Variants in COMMD10 observed in about 807,000 individuals in gnomAD.
COMMD10 encodes COMM domain containing 10.
COMMD10 carries 33 observed loss-of-function variants against 28.9 expected under a neutral mutation model. The observed-to-expected ratio is 1.14, with a 90% CI of 0.87 to 1.53. The LOEUF is 1.53. Among genes scored for constraint, COMMD10 ranks in the 40% most tolerant of loss-of-function variants. The pLI is 0.00. For synonymous variants in COMMD10, 110 were observed against 81.7 expected (o/e 1.35, Z -1.87); for missense variants, 310 against 233.4 (o/e 1.33, Z -2.14).
In COMMD10 at chr5:116,216,130, G is replaced by C. The variant is rs899227586; in HGVS notation, c.511-75387G>C. ...ACAGATTAGAGGTTTAATCCTAAAA[G>C]AACCCCAGTATCCAATATTTTTGCC... On this transcript the variant is annotated intron_variant, in intron 5 of 6. Transcript: ENST00000274458. Among the ~76,000 whole-genome samples, 72 of 152,220 alleles carry C rather than the reference G, an allele frequency of 4.7e-4. 1 individual carries two copies. The highest frequency in any genetic ancestry group is 1.6e-3 in the African/African-American group (68 of 41,530).
At chr5:116,087,140 A>C (rs935724525) in intron 1 of COMMD10, among the ~76,000 whole-genome samples, 2 of 152,170 alleles carry the variant, frequency 1.3e-5, no homozygotes, top group African/African-American at 4.8e-5. Context: ...CATAATTGCT[A>C]TTCCTCTCCT....
At position 116,142,161 on chromosome 5, in the gene COMMD10, G is replaced by T. The variant is rs866370501; in HGVS notation, c.510+7983G>T. On this transcript the variant is annotated intron_variant, in intron 5 of 6. Transcript: ENST00000274458. The stretch of plus-strand genomic sequence containing the variant: ...TTTCTCCAGTCTGATTATAGGACTT[G>T]TTTAATTTTATATTCTACCTTTTTT... 4.6e-5 allele frequency among the ~76,000 whole-genome samples: 7 copies of T among 151,816 alleles called. No individual in the cohort carries two copies. In the East Asian group the frequency reaches 1.4e-3, roughly 29 times the overall value.
At chr5:116,138,525 T>C (rs1025065113) in intron 5 of COMMD10, among the ~76,000 whole-genome samples, 2 of 151,780 alleles carry the variant, frequency 1.3e-5, no homozygotes, top group Non-Finnish European at 3.0e-5. Flanking sequence ...TACATTTTTT[T>C]CCCCAGTAAA....
At chr5:116,291,238 A>C (rs1751351546) in intron 5 of COMMD10, among the ~76,000 whole-genome samples, 1 of 152,176 alleles carries the variant, frequency 6.6e-6, no homozygotes, top group South Asian at 2.1e-4. Flanking sequence ...GTCTTGAAAA[A>C]ATTAGATAAT....
At chr5:116,150,048 G>A (rs1478562862) in intron 5 of COMMD10, among the ~76,000 whole-genome samples, 5 of 152,086 alleles carry the variant, frequency 3.3e-5, no homozygotes, top group Admixed American at 3.3e-4. Context: ...GTGTAAGGAA[G>A]GGATCCATTT....
At chr5:116,200,937 T>A (rs1426745163) in intron 5 of COMMD10, among the ~76,000 whole-genome samples, 1 of 152,166 alleles carries the variant, frequency 6.6e-6, no homozygotes, top group Non-Finnish European at 1.5e-5. Flanking sequence ...ACTCTGTGTT[T>A]TTATGTTGGG....
rs373771392 is a variant in COMMD10 at position 116,197,974 on chromosome 5, A to G, written c.510+63796A>G. Among the ~76,000 whole-genome samples the G allele has an allele frequency of 1.2e-4, 19 of 152,296 alleles. No homozygotes were observed. The East Asian group carries it at 3.5e-3, about 28-fold the overall frequency. On this transcript the variant is annotated intron_variant, in intron 5 of 6. Transcript: ENST00000274458. Reference sequence around the variant, plus strand: ...TGGTTATTACCTGGAAGGCTTTACAATCACTGATGTACCCTCCCTGCTGTC... The same window carrying G: ...TGGTTATTACCTGGAAGGCTTTACAGTCACTGATGTACCCTCCCTGCTGTC...
At chr5:116,133,524 C>T (rs909600888) in intron 4 of COMMD10, among the ~76,000 whole-genome samples, 4 of 152,152 alleles carry the variant, frequency 2.6e-5, no homozygotes, top group Admixed American at 1.3e-4. Context: ...CTGCCTGTTT[C>T]AATCTCATTG....
chr5:116,088,923 TTA>T (rs1156272945), intron 2 of COMMD10, among the ~76,000 whole-genome samples: 1 of 152,218 alleles, frequency 6.6e-6, no homozygotes, highest in East Asian at 1.9e-4. Context: ...TTACTCATCT[TTA>T]TGTTTCCCAT....
intron 4 of COMMD10, among the ~76,000 whole-genome samples, chr5:116,109,454 C>A (rs534171845): frequency 6.6e-6 from 1 of 152,034 alleles, no homozygotes; most frequent in Non-Finnish European, 1.5e-5. Context: ...ATTAGCCAGG[C>A]GTGCTGGTGC....
intron 4 of COMMD10, among the ~76,000 whole-genome samples, 180 bp downstream of exon 4, chr5:116,092,880 T>C (rs1041585805): frequency 6.6e-6 from 1 of 152,146 alleles, no homozygotes; most frequent in Admixed American, 6.5e-5. Context: ...ATTGAAAATA[T>C]CGTTAAGTCA....
At chr5:116,144,598 AAGG>A (rs36064537) in intron 5 of COMMD10, among the ~76,000 whole-genome samples, 16,026 of 151,796 alleles carry the variant, frequency 0.11, 934 homozygotes, top group African/African-American at 0.15. Flanking sequence ...GGGACAGGAG[AAGG>A]AAATATTTCA....
chr5:116,249,724 A>AACG (rs79819437), intron 5 of COMMD10, among the ~76,000 whole-genome samples: 1 of 151,884 alleles, frequency 6.6e-6, no homozygotes, highest in Admixed American at 6.6e-5. Flanking sequence ...AGCCAATTAA[A>AACG]ATCTTAAAAA....
At chr5:116,282,121 C>G (rs907202859) in intron 5 of COMMD10, among the ~76,000 whole-genome samples, 1 of 151,864 alleles carries the variant, frequency 6.6e-6, no homozygotes, top group African/African-American at 2.4e-5. Flanking sequence ...AGATCTGCAG[C>G]TCTTAAGAAT....
intron 4 of COMMD10, among the ~76,000 whole-genome samples, chr5:116,112,489 C>T (rs901713216): frequency 3.9e-5 from 6 of 152,010 alleles, no homozygotes; most frequent in South Asian, 4.1e-4. Context: ...CTCCGTCTCC[C>T]AGGTTCAAGC....
intron 4 of COMMD10, among the ~76,000 whole-genome samples, chr5:116,127,600 A>G (rs1055640178): frequency 6.6e-6 from 1 of 152,230 alleles, no homozygotes; most frequent in Non-Finnish European, 1.5e-5. Flanking sequence ...GCAGCCATAA[A>G]AAAGGATGAG....
At chr5:116,254,782 G>A (rs1750232917) in intron 5 of COMMD10, among the ~76,000 whole-genome samples, 1 of 151,708 alleles carries the variant, frequency 6.6e-6, no homozygotes, top group Non-Finnish European at 1.5e-5. Flanking sequence ...CTGTTGATTT[G>A]GGGTGGAGAG....
chr5:116,217,392 C>G (rs1749134240), intron 5 of COMMD10, among the ~76,000 whole-genome samples: 1 of 152,224 alleles, frequency 6.6e-6, no homozygotes, highest in African/African-American at 2.4e-5. Context: ...ATCTGATGCT[C>G]TGAACAGGCA....
chr5:116,139,005 A>G (rs1411391743), intron 5 of COMMD10, among the ~76,000 whole-genome samples: 1 of 151,778 alleles, frequency 6.6e-6, no homozygotes, highest in Non-Finnish European at 1.5e-5. Context: ...TTCCCATGTT[A>G]TACAGATAGT....
Sources: gnomAD v4.1 joint callset for allele counts (sites outside exome capture counted in the v4.1 genomes callset) on GRCh38, gnomAD v4.1.1 for gene constraint, MANE v1.5 for transcripts, NCBI Gene and HGNC (gene_info 2026-07-23, HGNC 2026-07-21) for gene names.